QTMAN: variants seen among roughly 807,000 people sequenced by gnomAD.
QTMAN encodes the protein queuosine-tRNA mannosyltransferase, also known as tRNA-queuosine alpha-mannosyltransferase.
the QTMAN span, among the ~76,000 whole-genome samples, chr2:144,217,393 T>A: frequency 6.6e-6 from 1 of 152,066 alleles, no homozygotes; most frequent in Admixed American, 6.6e-5. Context: ...AGTCTTTGAG[T>A]TTTAGGATTA....
At chr2:144,222,906 AAAAG>A in the QTMAN span, among the ~76,000 whole-genome samples, 4 of 152,232 alleles carry the variant, frequency 2.6e-5, no homozygotes, top group Non-Finnish European at 4.4e-5. Context: ...ATAGTCAACT[AAAAG>A]AGAGAGAGAT....
chr2:144,090,144 A>C, the QTMAN span, among the ~76,000 whole-genome samples: 1 of 152,048 alleles, frequency 6.6e-6, no homozygotes, highest in African/African-American at 2.4e-5. Context: ...TGCAAAAAAA[A>C]GGATTTGATG....
the QTMAN span, among the ~76,000 whole-genome samples, chr2:144,170,973 A>T: frequency 2.0e-5 from 3 of 152,134 alleles, no homozygotes; most frequent in South Asian, 6.2e-4. Flanking sequence ...TAGAGGAAGA[A>T]AACACAGTGA....
the QTMAN span, among the ~76,000 whole-genome samples, chr2:144,005,183 A>T: frequency 6.6e-6 from 1 of 151,978 alleles, no homozygotes; most frequent in Non-Finnish European, 1.5e-5. Context: ...TCAAAGGTAA[A>T]CTATATTAAC....
the QTMAN span, chr2:143,952,822 C>T: frequency 1.9e-6 from 3 of 1,608,196 alleles, no homozygotes; most frequent in Non-Finnish European, 2.6e-6. Context: ...GTGGGTAACA[C>T]CCACAGTACA....
chr2:144,045,239 G>C, the QTMAN span, among the ~76,000 whole-genome samples: 2 of 152,188 alleles, frequency 1.3e-5, no homozygotes, highest in Non-Finnish European at 2.9e-5. Flanking sequence ...TAAGAACTGA[G>C]GAGAGGATGG....
At chr2:144,154,872 C>G in the QTMAN span, among the ~76,000 whole-genome samples, 257 of 152,262 alleles carry the variant, frequency 1.7e-3, no homozygotes, top group Non-Finnish European at 3.1e-3. Context: ...CTGTCTTATT[C>G]CCCATCCTAG....
chr2:144,316,300 G>C, the QTMAN span, among the ~76,000 whole-genome samples: 3,157 of 151,604 alleles, frequency 0.021, 94 homozygotes, highest in African/African-American at 0.072. Context: ...CCAAGAAGAT[G>C]ATATTTTGTT....
the QTMAN span, among the ~76,000 whole-genome samples, chr2:144,082,911 T>C: frequency 1.6e-4 from 24 of 151,676 alleles, no homozygotes; most frequent in African/African-American, 5.3e-4. Flanking sequence ...CACACACACA[T>C]GCACAGGCAC....
At chr2:144,050,857 GA>G in the QTMAN span, among the ~76,000 whole-genome samples, 28 of 152,146 alleles carry the variant, frequency 1.8e-4, no homozygotes, top group Admixed American at 9.8e-4. Flanking sequence ...ATTATGACAA[GA>G]AAAAAGTCTG....
the QTMAN span, among the ~76,000 whole-genome samples, chr2:144,100,195 G>C: frequency 2.6e-5 from 4 of 152,188 alleles, no homozygotes; most frequent in Non-Finnish European, 4.4e-5. Context: ...AACACAGCTA[G>C]TACTTCTGGC....
chr2:144,294,418 T>C, the QTMAN span: 1 of 152,180 alleles, frequency 6.6e-6, no homozygotes, highest in Non-Finnish European at 1.5e-5. Flanking sequence ...TTTTAGTTTT[T>C]TTCTTCCCCA....
chr2:144,148,820 C>T, the QTMAN span, among the ~76,000 whole-genome samples: 9 of 151,812 alleles, frequency 5.9e-5, no homozygotes, highest in Admixed American at 3.3e-4. Context: ...TTGAGACTGC[C>T]CACGCCAACA....
At chr2:144,269,316 T>C in the QTMAN span, among the ~76,000 whole-genome samples, 1 of 152,130 alleles carries the variant, frequency 6.6e-6, no homozygotes. Flanking sequence ...CCCAAGAATC[T>C]TAAGGGTCCT....
the QTMAN span, among the ~76,000 whole-genome samples, chr2:144,038,760 A>C: frequency 3.9e-5 from 6 of 152,210 alleles, no homozygotes; most frequent in African/African-American, 1.4e-4. Flanking sequence ...TTTAATGTGG[A>C]TCCTACCCCT....
chr2:144,042,157 ATTTAAC>A, the QTMAN span, among the ~76,000 whole-genome samples: 4 of 152,114 alleles, frequency 2.6e-5, no homozygotes, highest in Non-Finnish European at 2.9e-5. Context: ...TATGATTGAT[ATTTAAC>A]TTTAAGATAG....
the QTMAN span, among the ~76,000 whole-genome samples, chr2:144,002,048 T>C: frequency 1.3e-5 from 2 of 152,070 alleles, no homozygotes; most frequent in South Asian, 4.1e-4. Flanking sequence ...ATTTGCCTTT[T>C]TCACTGTGTT....
At chr2:144,107,981 T>C in the QTMAN span, among the ~76,000 whole-genome samples, 3 of 152,162 alleles carry the variant, frequency 2.0e-5, no homozygotes, top group Non-Finnish European at 4.4e-5. Context: ...ATCCAGCATA[T>C]AAACAGAACC....
the QTMAN span, among the ~76,000 whole-genome samples, chr2:144,092,763 AG>A: frequency 6.6e-6 from 1 of 152,184 alleles, no homozygotes; most frequent in Non-Finnish European, 1.5e-5. Flanking sequence ...AGCCACTCAT[AG>A]GTCATACAAA....
Sources: allele counts gnomAD v4.1 joint callset (sites outside exome capture counted in the v4.1 genomes callset), GRCh38; gene constraint gnomAD v4.1.1; transcripts MANE v1.5; gene names NCBI Gene and HGNC (gene_info 2026-07-23, HGNC 2026-07-21).